The following ROBO2 variants were observed in gnomAD, a reference collection of about 807,000 sequenced individuals.
ROBO2 encodes roundabout guidance receptor 2.
Under a neutral mutation model 160.8 loss-of-function variants are expected in ROBO2, and 53 were observed. The ratio of observed to expected loss-of-function variants is 0.33; its 90% CI spans 0.26 to 0.41. The LOEUF is 0.41. Among genes scored for constraint, ROBO2 ranks in the 10% least tolerant of loss-of-function variants. ROBO2 has a pLI of 1.00. For missense variants in ROBO2, 1,577 were observed against 1,722.4 expected (o/e 0.92, Z 1.49); for synonymous variants, 664 against 611.7 (o/e 1.09, Z -1.26).
chr3:76,413,214 C>T (rs144130987), intron 2 of ROBO2, among the ~76,000 whole-genome samples: 2,324 of 152,296 alleles, frequency 0.015, 27 homozygotes, highest in Middle Eastern at 0.031. Context: ...CTTTTCCCTC[C>T]TGGGCCTCCG....
intron 2 of ROBO2, among the ~76,000 whole-genome samples, chr3:76,880,968 G>A (rs570484405): frequency 1.3e-5 from 2 of 152,150 alleles, no homozygotes; most frequent in East Asian, 3.9e-4. Context: ...TTGCTTCTGT[G>A]CTCAGATGCC....
intron 2 of ROBO2, among the ~76,000 whole-genome samples, chr3:77,142,331 T>C (rs1416917584): frequency 6.6e-6 from 1 of 152,208 alleles, no homozygotes; most frequent in Non-Finnish European, 1.5e-5. Context: ...ATAGCAGAAA[T>C]ACACTTGTAT....
intron 2 of ROBO2, among the ~76,000 whole-genome samples, chr3:76,886,113 G>A (rs2073853873): frequency 6.6e-6 from 1 of 152,152 alleles, no homozygotes; most frequent in South Asian, 2.1e-4. Flanking sequence ...GCTTGGGAAT[G>A]CACCTGCATG....
intron 2 of ROBO2, among the ~76,000 whole-genome samples, chr3:76,721,081 G>A (rs1198952691): frequency 6.6e-6 from 1 of 152,102 alleles, no homozygotes; most frequent in Non-Finnish European, 1.5e-5. Context: ...TTTACAATTA[G>A]CTAGGAAAAC....
intron 1 of ROBO2, among the ~76,000 whole-genome samples, chr3:75,908,038 A>G (rs1341387427): frequency 6.6e-6 from 1 of 152,120 alleles, no homozygotes; most frequent in Non-Finnish European, 1.5e-5. Context: ...AAAAAAATTC[A>G]ATACTTACTT....
intron 21 of ROBO2, among the ~76,000 whole-genome samples, chr3:77,613,967 G>C (rs2094708499): frequency 6.6e-6 from 1 of 152,164 alleles, no homozygotes. Flanking sequence ...GAGGAGTACA[G>C]CTTATTGGAA....
chr3:77,357,559 A>G (rs1336935798), intron 2 of ROBO2, among the ~76,000 whole-genome samples: 1 of 152,196 alleles, frequency 6.6e-6, no homozygotes, highest in Non-Finnish European at 1.5e-5. Context: ...AGCAACACAA[A>G]GCAGACTAAG....
At chr3:77,073,517 A>G (rs1021198594) in intron 1 of ROBO2, among the ~76,000 whole-genome samples, 3 of 152,188 alleles carry the variant, frequency 2.0e-5, no homozygotes, top group African/African-American at 7.2e-5. Context: ...ATTAATTTGA[A>G]GGTAAAGTAA....
intron 2 of ROBO2, among the ~76,000 whole-genome samples, chr3:76,881,789 T>C (rs1400531073): frequency 6.6e-6 from 1 of 152,224 alleles, no homozygotes; most frequent in Non-Finnish European, 1.5e-5. Context: ...CCTGTGATTA[T>C]GGCCTTGGCT....
intron 2 of ROBO2, among the ~76,000 whole-genome samples, chr3:77,260,636 G>A (rs116523367): frequency 0.01 from 1,544 of 152,290 alleles, 21 homozygotes; most frequent in African/African-American, 0.033. Flanking sequence ...ATCCAGCAAA[G>A]GGAATCAGCT....
chr3:77,629,400 C>T (rs1217500703), intron 23 of ROBO2: 1 of 152,056 alleles, frequency 6.6e-6, no homozygotes, highest in Non-Finnish European at 1.5e-5. Flanking sequence ...TGGAATTACA[C>T]AGCAAGCAGA....
intron 1 of ROBO2, among the ~76,000 whole-genome samples, chr3:77,081,401 T>C (rs865986193): frequency 6.6e-6 from 1 of 152,196 alleles, no homozygotes; most frequent in South Asian, 2.1e-4. Flanking sequence ...TGAGGCAGCT[T>C]GAGAGTGTGC....
At chr3:76,408,706 A>T (rs1348779790) in intron 2 of ROBO2, among the ~76,000 whole-genome samples, 2 of 152,100 alleles carry the variant, frequency 1.3e-5, no homozygotes, top group South Asian at 2.1e-4. Context: ...AGAGAGGGAT[A>T]GTTAAGATAT....
At chr3:76,212,919 C>G (rs62267414) in intron 2 of ROBO2, among the ~76,000 whole-genome samples, 16 of 151,944 alleles carry the variant, frequency 1.1e-4, no homozygotes, top group African/African-American at 3.9e-4. Flanking sequence ...CTTAGTTTCA[C>G]TTTTGGTATT....
chr3:77,569,363 C>T (rs765925603), intron 13 of ROBO2, among the ~76,000 whole-genome samples: 1 of 151,822 alleles, frequency 6.6e-6, no homozygotes, highest in Non-Finnish European at 1.5e-5. Flanking sequence ...TGGATTATAC[C>T]CGTTCTGGTG....
chr3:77,454,120 C>CTT (rs36018732), intron 2 of ROBO2, among the ~76,000 whole-genome samples: 15 of 139,690 alleles, frequency 1.1e-4, no homozygotes, highest in African/African-American at 2.4e-4. Context: ...TTACTCTGGG[C>CTT]TTTTTTTTTT....
intron 2 of ROBO2, among the ~76,000 whole-genome samples, chr3:76,473,762 G>A (rs1179966253): frequency 6.6e-6 from 1 of 152,136 alleles, no homozygotes; most frequent in Non-Finnish European, 1.5e-5. Context: ...AGGAAGAAAT[G>A]TAAAAAAGAA....
At chr3:77,389,822 G>T (rs947752688) in intron 2 of ROBO2, among the ~76,000 whole-genome samples, 3 of 151,856 alleles carry the variant, frequency 2.0e-5, no homozygotes, top group Non-Finnish European at 4.4e-5. Context: ...ATTCATTTAG[G>T]AGTGTGTCTG....
chr3:77,503,560 T>TAAATAAAA (rs1260670216), intron 5 of ROBO2, among the ~76,000 whole-genome samples: 2 of 149,266 alleles, frequency 1.3e-5, no homozygotes, highest in Non-Finnish European at 3.0e-5. Context: ...AATAAATAAA[T>TAAATAAAA]AAAATAATAA....
Sources: allele counts gnomAD v4.1 joint callset (sites outside exome capture counted in the v4.1 genomes callset), GRCh38; gene constraint gnomAD v4.1.1; transcripts MANE v1.5; gene names NCBI Gene and HGNC (gene_info 2026-07-23, HGNC 2026-07-21).